Variants in DCAF8L2 observed in about 807,000 individuals in gnomAD.
DCAF8L2 encodes the protein DDB1 and CUL4 associated factor 8 like 2.
For synonymous variants in DCAF8L2, 200 were observed against 190.9 expected, an observed-to-expected ratio of 1.05 and a Z score of -0.39; for missense variants, 430 against 490.7, an observed-to-expected ratio of 0.88 and a Z score of 1.17.
the DCAF8L2 span, among the ~76,000 whole-genome samples, chrX:27,509,049 T>A: frequency 9.0e-6 from 1 of 111,477 alleles, no homozygotes; most frequent in Admixed American, 9.6e-5. Flanking sequence ...CACAACCTAC[T>A]ATTATATCAG....
chrX:27,719,122 T>C (rs775626547), intron 4 of DCAF8L2, among the ~76,000 whole-genome samples: 1 of 111,664 alleles, frequency 9.0e-6, no homozygotes, highest in African/African-American at 3.3e-5. Context: ...AACAGTGATA[T>C]TTAATTGGCA....
intron 1 of DCAF8L2, among the ~76,000 whole-genome samples, chrX:27,618,838 T>C (rs1927598732): frequency 9.0e-6 from 1 of 111,377 alleles, no homozygotes; most frequent in African/African-American, 3.3e-5. Context: ...TTAAGCTTTA[T>C]TGATCATAGA....
chrX:27,639,082 A>G (rs1398633559), intron 2 of DCAF8L2, among the ~76,000 whole-genome samples: 1 of 112,364 alleles, frequency 8.9e-6, no homozygotes, highest in African/African-American at 3.2e-5. Context: ...TGTTAATTAC[A>G]TATGTACAAT....
At chrX:27,609,994 C>G (rs772346879) in intron 1 of DCAF8L2, among the ~76,000 whole-genome samples, 4 of 111,909 alleles carry the variant, frequency 3.6e-5, no homozygotes, top group Admixed American at 9.5e-5. Context: ...CACAATCACC[C>G]AGATAATGCA....
chrX:27,676,241 G>A (rs1435085004), intron 2 of DCAF8L2, among the ~76,000 whole-genome samples: 1 of 110,876 alleles, frequency 9.0e-6, no homozygotes, highest in Non-Finnish European at 1.9e-5. Flanking sequence ...GCTGAGGCAG[G>A]GAAATCCAAA....
intron 3 of DCAF8L2, among the ~76,000 whole-genome samples, chrX:27,701,976 T>C (rs6630556): frequency 1.8e-5 from 2 of 110,090 alleles, no homozygotes; most frequent in Non-Finnish European, 3.8e-5. Context: ...GCTACATTTA[T>C]CAAGAAAAGA....
In DCAF8L2 at chrX:27,748,955, T is replaced by G. The variant is rs1427524346; in HGVS notation, c.*164T>G. On this transcript the variant is annotated 3_prime_UTR_variant, in exon 5 of 5. Coordinates refer to ENST00000451261, the MANE Select transcript of DCAF8L2 (RefSeq NM_001353450.2). ...CTCTTCCATTCCTTCCTCTCTACTTTCCTTTCTTTCTTCCACACATTCTTT... is the reference window on the plus strand; with the variant it reads ...CTCTTCCATTCCTTCCTCTCTACTTGCCTTTCTTTCTTCCACACATTCTTT... 3 of 626,281 alleles carry G rather than the reference T, an allele frequency of 4.8e-6. No homozygotes were observed. The highest frequency in any genetic ancestry group is 6.9e-6 in the Non-Finnish European group (3 of 433,795). 51.6% of individuals were successfully genotyped at this position (626,281 alleles called of 1,213,427 possible). A position where few individuals can be genotyped will look rare whatever the true frequency, so the allele number is the denominator to read the frequency against.
At chrX:27,573,254 T>TCTCTCACACA in the DCAF8L2 span, among the ~76,000 whole-genome samples, 988 of 99,697 alleles carry the variant, frequency 9.9e-3, 12 homozygotes, top group East Asian at 0.073. Context: ...TCTCTCTCTC[T>TCTCTCACACA]CACACACACA....
chrX:27,574,498 A>T, the DCAF8L2 span, among the ~76,000 whole-genome samples: 1 of 112,261 alleles, frequency 8.9e-6, no homozygotes, highest in Admixed American at 9.4e-5. Flanking sequence ...GGCCAAAGAA[A>T]CTTTTGAGAT....
chrX:27,534,995 A>G, the DCAF8L2 span, among the ~76,000 whole-genome samples: 2 of 112,102 alleles, frequency 1.8e-5, no homozygotes, highest in Non-Finnish European at 3.8e-5. Context: ...CAGTCACTGC[A>G]GTAAAAAACA....
the DCAF8L2 span, among the ~76,000 whole-genome samples, chrX:27,487,810 A>G: frequency 9.0e-6 from 1 of 111,683 alleles, no homozygotes; most frequent in Non-Finnish European, 1.9e-5. Context: ...TTAGCCAACC[A>G]GTAACCCATT....
chrX:27,611,622 T>C (rs995478420), intron 1 of DCAF8L2, among the ~76,000 whole-genome samples: 4 of 106,080 alleles, frequency 3.8e-5, no homozygotes, highest in African/African-American at 1.4e-4. Context: ...GGCCCCGGTG[T>C]GTGATGTTCC....
intron 4 of DCAF8L2, among the ~76,000 whole-genome samples, chrX:27,719,893 C>T (rs1015264107): frequency 1.5e-4 from 17 of 111,088 alleles, no homozygotes; most frequent in African/African-American, 5.2e-4. Context: ...TGTAAAAGAA[C>T]AAAAGTCTAT....
chrX:27,710,338 A>C (rs768440387), intron 3 of DCAF8L2, among the ~76,000 whole-genome samples: 2 of 111,470 alleles, frequency 1.8e-5, no homozygotes, highest in Non-Finnish European at 3.8e-5. Context: ...AAACTTCTGA[A>C]ATTTTGGTTG....
At chrX:27,658,124 C>A (rs1372449004) in intron 2 of DCAF8L2, among the ~76,000 whole-genome samples, 1 of 112,184 alleles carries the variant, frequency 8.9e-6, no homozygotes, top group Admixed American at 9.5e-5. Context: ...TTTTCAGAAA[C>A]CTGAAGAGGT....
chrX:27,661,242 G>A (rs1310429306), intron 2 of DCAF8L2, among the ~76,000 whole-genome samples: 1 of 111,893 alleles, frequency 8.9e-6, no homozygotes, highest in African/African-American at 3.3e-5. Flanking sequence ...GAGATCTACA[G>A]TTTAAGTTTT....
chrX:27,502,336 ATATATATATATATATATATATATAT>A, the DCAF8L2 span, among the ~76,000 whole-genome samples: 3 of 10,905 alleles, frequency 2.8e-4, no homozygotes, highest in Non-Finnish European at 5.1e-4. Context: ...AAAAAAAAAA[ATATATATATATATATATATATATAT>A]ATATATATAT....
chrX:27,641,703 C>G (rs899307225), intron 2 of DCAF8L2, among the ~76,000 whole-genome samples: 1 of 109,845 alleles, frequency 9.1e-6, no homozygotes, highest in African/African-American at 3.3e-5. Flanking sequence ...AACTCCTGAC[C>G]TCAGGTGATC....
At chrX:27,533,883 TA>T in the DCAF8L2 span, among the ~76,000 whole-genome samples, 2 of 112,228 alleles carry the variant, frequency 1.8e-5, no homozygotes, top group African/African-American at 6.5e-5. Flanking sequence ...AAAATTTGAA[TA>T]AAGAGTGTTT....
Sources: allele counts gnomAD v4.1 joint callset (sites outside exome capture counted in the v4.1 genomes callset), GRCh38; gene constraint gnomAD v4.1.1; transcripts MANE v1.5; gene names NCBI Gene and HGNC (gene_info 2026-07-23, HGNC 2026-07-21).